The following DLGAP1 variants were observed in gnomAD, a reference collection of about 807,000 sequenced individuals.
DLGAP1 encodes DLG associated protein 1, also known as disks large-associated protein 1.
DLGAP1 carries 11 observed loss-of-function variants against 90.8 expected under a neutral mutation model. The observed-to-expected ratio is 0.12, with a 90% CI of 0.08 to 0.20. The LOEUF is 0.20. Among genes scored for constraint, DLGAP1 ranks in the 10% least tolerant of loss-of-function variants. DLGAP1 has a pLI of 1.00. For synonymous variants in DLGAP1, 558 were observed against 540.7 expected, an observed-to-expected ratio of 1.03 and a Z score of -0.44; for missense variants, 1,050 against 1,333.8, an observed-to-expected ratio of 0.79 and a Z score of 3.31.
chr18:4,033,739 AC>A (rs1199799790), intron 2 of DLGAP1, among the ~76,000 whole-genome samples: 1 of 146,412 alleles, frequency 6.8e-6, no homozygotes, highest in Non-Finnish European at 1.5e-5. Context: ...AAGTTTAGCA[AC>A]TTTTTTTTTT....
At chr18:3,706,147 C>T (rs142305000) in intron 7 of DLGAP1, among the ~76,000 whole-genome samples, 2,300 of 151,692 alleles carry the variant, frequency 0.015, 66 homozygotes, top group African/African-American at 0.053. Flanking sequence ...CAGGCACTCA[C>T]CACCATGCCT....
chr18:3,980,884 G>A (rs57152246), intron 3 of DLGAP1, among the ~76,000 whole-genome samples: 8,005 of 151,898 alleles, frequency 0.053, 463 homozygotes, highest in African/African-American at 0.15. Flanking sequence ...ATTTATTTGC[G>A]GTGAGAATAC....
At chr18:4,141,211 T>G (rs2076489642) in intron 2 of DLGAP1, among the ~76,000 whole-genome samples, 2 of 152,186 alleles carry the variant, frequency 1.3e-5, no homozygotes, top group Non-Finnish European at 2.9e-5. Context: ...CTTGTAGGTA[T>G]ACTTCATTCT....
intron 9 of DLGAP1, among the ~76,000 whole-genome samples, chr18:3,543,968 A>ATCTT (rs1734609446): frequency 6.9e-6 from 1 of 144,838 alleles, no homozygotes; most frequent in Non-Finnish European, 1.5e-5. Context: ...AGACTGGGAT[A>ATCTT]TCTTTATTCC....
intron 1 of DLGAP1, among the ~76,000 whole-genome samples, chr18:4,173,175 G>A (rs552685903): frequency 1.3e-5 from 2 of 152,302 alleles, no homozygotes; most frequent in East Asian, 3.9e-4. Flanking sequence ...GGAAGCATGA[G>A]GATGAAACAT....
chr18:3,977,987 G>T, intron 3 of DLGAP1: 1 of 369,430 alleles, frequency 2.7e-6, no homozygotes, highest in East Asian at 8.1e-5. Context: ...TTTGCCTACA[G>T]CCTTGGTAGC....
chr18:4,300,075 T>A (rs1051836597), intron 1 of DLGAP1, among the ~76,000 whole-genome samples: 2 of 152,186 alleles, frequency 1.3e-5, no homozygotes, highest in Admixed American at 6.5e-5. Flanking sequence ...ATATCTTTAT[T>A]TGCAAATAGT....
intron 3 of DLGAP1, among the ~76,000 whole-genome samples, chr18:3,898,012 T>G (rs1297008781): frequency 6.6e-6 from 1 of 151,962 alleles, no homozygotes; most frequent in African/African-American, 2.4e-5. Context: ...GCCAGGATGG[T>G]CTCGATCTCC....
intron 7 of DLGAP1, among the ~76,000 whole-genome samples, chr18:3,675,953 C>G (rs1286831712): frequency 1.3e-5 from 2 of 152,214 alleles, no homozygotes; most frequent in Non-Finnish European, 2.9e-5. Flanking sequence ...GAAGAAATTA[C>G]TTAGGCAGAT....
At chr18:3,657,750 C>T (rs1333361898) in intron 7 of DLGAP1, among the ~76,000 whole-genome samples, 3 of 152,040 alleles carry the variant, frequency 2.0e-5, no homozygotes, top group Non-Finnish European at 2.9e-5. Flanking sequence ...CTACAGGCGC[C>T]CGCCACCGCA....
At chr18:3,886,428 A>G (rs2071315264) in intron 3 of DLGAP1, among the ~76,000 whole-genome samples, 3 of 152,204 alleles carry the variant, frequency 2.0e-5, no homozygotes, top group Admixed American at 2.0e-4. Flanking sequence ...AAACAATGCA[A>G]TTATACTCTT....
rs769132143 is a variant in DLGAP1 at position 3,896,002 on chromosome 18, C to T, written c.-72-15862G>A. On this transcript the variant is annotated intron_variant, in intron 3 of 12. Coordinates refer to ENST00000315677, the MANE Select transcript of DLGAP1 (RefSeq NM_004746.4). ...TTCTGTAGTGAGCAACAACGCCACT[C>T]GGTAAGCTACAGAATTATCTAACTA... 4 of 152,182 alleles carry T rather than the reference C, an allele frequency of 2.6e-5. No homozygotes were observed. In the South Asian group the frequency reaches 8.3e-4, roughly 32 times the overall value. The allele number at this position is 152,182 out of a possible 1,614,324, so 9.4% of individuals were successfully genotyped here.
chr18:3,765,131 T>C (rs2064164401), intron 5 of DLGAP1, among the ~76,000 whole-genome samples: 2 of 118,546 alleles, frequency 1.7e-5, no homozygotes. Context: ...TTTTTTTTTC[T>C]TTTTTTTTTT....
chr18:4,218,403 T>C (rs2078003395), intron 1 of DLGAP1, among the ~76,000 whole-genome samples: 1 of 152,062 alleles, frequency 6.6e-6, no homozygotes, highest in South Asian at 2.1e-4. Context: ...ATTTACAATG[T>C]AGAATGATTA....
intron 7 of DLGAP1, among the ~76,000 whole-genome samples, chr18:3,719,562 A>AG (rs1449294056): frequency 6.6e-6 from 1 of 150,408 alleles, no homozygotes; most frequent in African/African-American, 2.4e-5. Context: ...GTCTCAAAAA[A>AG]AAAAAAAAAA....
chr18:3,499,464 T>C lies in DLGAP1; in HGVS notation c.2725-70A>G, dbSNP rs1269147454. 2 of 1,499,728 alleles carry C rather than the reference T, an allele frequency of 1.3e-6. No homozygotes were observed. The highest frequency in any genetic ancestry group is 1.4e-5 in the African/African-American group (1 of 70,840). The allele number at this position is 1,499,728 out of a possible 1,614,324, so 92.9% of individuals were successfully genotyped here. A position where few individuals can be genotyped will look rare whatever the true frequency, so the allele number is the denominator to read the frequency against. On this transcript the variant is annotated intron_variant, in intron 12 of 12. Coordinates refer to ENST00000315677, the MANE Select transcript of DLGAP1 (RefSeq NM_004746.4). This position sits in a 1 kb window ranked among gnomAD's most constrained non-coding sequence, Gnocchi z 6.4. ...CAAGCTTGGGAAAAACTGGGATAGGTCAGTAGTTAGAACACACAGTTTTTT... is the reference window on the plus strand; with the variant it reads ...CAAGCTTGGGAAAAACTGGGATAGGCCAGTAGTTAGAACACACAGTTTTTT...
intron 7 of DLGAP1, chr18:3,656,113 C>A: frequency 6.5e-7 from 1 of 1,545,536 alleles, no homozygotes; most frequent in Non-Finnish European, 8.7e-7. Flanking sequence ...TTTTATGACA[C>A]CTTGAATAAA....
chr18:4,151,830 A>G (rs2076679641), intron 1 of DLGAP1, among the ~76,000 whole-genome samples: 1 of 152,186 alleles, frequency 6.6e-6, no homozygotes, highest in Non-Finnish European at 1.5e-5. Flanking sequence ...TCAAGCCACT[A>G]TCCTTAATTA....
intron 1 of DLGAP1, among the ~76,000 whole-genome samples, chr18:4,202,739 T>C (rs2077631593): frequency 6.6e-6 from 1 of 152,216 alleles, no homozygotes; most frequent in Non-Finnish European, 1.5e-5. Context: ...TTAACAAAAT[T>C]CATGGTATTT....
Sources: allele counts gnomAD v4.1 joint callset (sites outside exome capture counted in the v4.1 genomes callset), GRCh38; gene constraint gnomAD v4.1.1; non-coding constraint Gnocchi (gnomAD v3.1); transcripts MANE v1.5; gene names NCBI Gene and HGNC (gene_info 2026-07-23, HGNC 2026-07-21).